Variants in MACROD2 observed in about 807,000 individuals in gnomAD.
MACROD2 encodes the protein mono-ADP ribosylhydrolase 2.
In MACROD2, 36 loss-of-function variants were observed where a neutral mutation model predicts 70.4. The observed-to-expected ratio is 0.51, with a 90% CI of 0.39 to 0.68. MACROD2 has a LOEUF of 0.68. Among genes scored for constraint, MACROD2 ranks in the 30% least tolerant of loss-of-function variants. The pLI is 0.00. For missense variants in MACROD2, 496 were observed against 538.4 expected, an observed-to-expected ratio of 0.92 and a Z score of 0.78; for synonymous variants, 172 against 178.8, an observed-to-expected ratio of 0.96 and a Z score of 0.30.
intron 3 of MACROD2, among the ~76,000 whole-genome samples, chr20:14,389,675 AT>A (rs2122798487): frequency 6.6e-6 from 1 of 152,300 alleles, no homozygotes; most frequent in East Asian, 1.9e-4. Flanking sequence ...GCATTTTTAC[AT>A]TTGCTTATAT....
At chr20:15,709,259 G>A (rs934311383) in intron 8 of MACROD2, among the ~76,000 whole-genome samples, 3 of 152,188 alleles carry the variant, frequency 2.0e-5, no homozygotes, top group African/African-American at 7.2e-5. Context: ...GGAGCAGGCT[G>A]GCTTTTCCAG....
At chr20:15,720,683 C>T (rs1009029291) in intron 8 of MACROD2, among the ~76,000 whole-genome samples, 1 of 152,168 alleles carries the variant, frequency 6.6e-6, no homozygotes, top group Non-Finnish European at 1.5e-5. Flanking sequence ...GTGAGAGGTA[C>T]ATCTGCATGA....
chr20:14,278,379 G>C (rs1358084755), intron 3 of MACROD2, among the ~76,000 whole-genome samples: 2 of 152,142 alleles, frequency 1.3e-5, no homozygotes, highest in Non-Finnish European at 2.9e-5. Context: ...GTGGTGAGAG[G>C]CAGGTTATCC....
chr20:15,624,102 C>A (rs1357711648), intron 8 of MACROD2, among the ~76,000 whole-genome samples: 1 of 152,082 alleles, frequency 6.6e-6, no homozygotes, highest in South Asian at 2.1e-4. Context: ...GCCAAAGGCT[C>A]GAGAGCCCCT....
rs1470070627 is a variant in MACROD2, at chr20:15,830,686, T to C, written c.646-32059T>C. On this transcript the variant is annotated intron_variant, in intron 8 of 17. Coordinates refer to ENST00000684519, the MANE Select transcript of MACROD2 (RefSeq NM_001351661.2). ...TCAGTCACTCTGAGACCAAAATACC[T>C]TGTCCTGTGTTGTTTGTTACTGGAT... Among the ~76,000 whole-genome samples the C allele has an allele frequency of 4.6e-5, 7 of 152,234 alleles. 1 individual carries two copies. Among genetic ancestry groups the C allele is most frequent in the African/African-American group, 1.7e-4 (7 of 41,474 alleles).
intron 5 of MACROD2, among the ~76,000 whole-genome samples, chr20:14,771,326 A>G (rs1013543822): frequency 8.6e-5 from 13 of 151,996 alleles, no homozygotes; most frequent in African/African-American, 3.1e-4. Flanking sequence ...CTTTGCTTCT[A>G]TGGAGAACCA....
At chr20:14,061,557 A>G (rs775604591) in intron 2 of MACROD2, among the ~76,000 whole-genome samples, 2 of 152,102 alleles carry the variant, frequency 1.3e-5, no homozygotes, top group Admixed American at 6.6e-5. Flanking sequence ...CCAGAGTTTC[A>G]GGAAGGTGTG....
chr20:14,384,095 C>T lies in MACROD2; in HGVS notation c.272-109384C>T, dbSNP rs139057476. 7.9e-5 allele frequency among the ~76,000 whole-genome samples: 12 copies of T among 152,200 alleles called. No individual in the cohort carries two copies. The East Asian group carries it at 2.3e-3, about 29-fold the overall frequency. On this transcript the variant is annotated intron_variant, in intron 3 of 17. Transcript: ENST00000684519. ...AACCTAGTCTCACATTAAGAGGATG[C>T]TTAAAATGCCAAAATGCCCTGGTAA...
At chr20:15,172,998 A>G (rs1487525432) in intron 5 of MACROD2, among the ~76,000 whole-genome samples, 1 of 152,160 alleles carries the variant, frequency 6.6e-6, no homozygotes, top group Non-Finnish European at 1.5e-5. Flanking sequence ...AGAAACTTAA[A>G]AGAATATTAA....
chr20:15,970,847 A>T (rs1194597924), intron 13 of MACROD2, among the ~76,000 whole-genome samples: 1 of 152,166 alleles, frequency 6.6e-6, no homozygotes, highest in Non-Finnish European at 1.5e-5. Flanking sequence ...AAGCCTCAAC[A>T]TTCATAAAGA....
chr20:14,264,921 AAAT>A (rs2122327594), intron 3 of MACROD2, among the ~76,000 whole-genome samples: 1 of 152,304 alleles, frequency 6.6e-6, no homozygotes, highest in Admixed American at 6.5e-5. Flanking sequence ...GTTGAGGGGC[AAAT>A]AATAACCAGA....
chr20:14,852,255 A>T (rs2073207275), intron 5 of MACROD2, among the ~76,000 whole-genome samples: 1 of 152,226 alleles, frequency 6.6e-6, no homozygotes, highest in Middle Eastern at 3.4e-3. Flanking sequence ...CAGTGCAGAA[A>T]ATCAAAGAGG....
At chr20:15,719,670 GAC>G (rs542728214) in intron 8 of MACROD2, among the ~76,000 whole-genome samples, 108 of 151,440 alleles carry the variant, frequency 7.1e-4, no homozygotes, top group African/African-American at 2.5e-3. Context: ...ATTTTTTATT[GAC>G]ACATAATAAT....
At chr20:14,187,326 G>C (rs188503010) in intron 3 of MACROD2, among the ~76,000 whole-genome samples, 1 of 152,112 alleles carries the variant, frequency 6.6e-6, no homozygotes, top group African/African-American at 2.4e-5. Flanking sequence ...CCACTGATAC[G>C]TGAGGATTTG....
chr20:15,909,118 G>A (rs1470933973), intron 10 of MACROD2, among the ~76,000 whole-genome samples: 1 of 152,188 alleles, frequency 6.6e-6, no homozygotes, highest in East Asian at 1.9e-4. Flanking sequence ...TTACTCACTT[G>A]TCTGAGCCCT....
At chr20:14,112,979 A>G (rs781316833) in intron 3 of MACROD2, among the ~76,000 whole-genome samples, 2 of 151,996 alleles carry the variant, frequency 1.3e-5, no homozygotes, top group Admixed American at 6.6e-5. Context: ...TATCTTTAAA[A>G]AGGATACTTG....
At chr20:15,693,713 AATTATT>A (rs1308051701) in intron 8 of MACROD2, among the ~76,000 whole-genome samples, 1 of 151,996 alleles carries the variant, frequency 6.6e-6, no homozygotes, top group Non-Finnish European at 1.5e-5. Context: ...CTTTTTTAAA[AATTATT>A]ATTATTATTT....
At chr20:14,434,682 T>C (rs1179896385) in intron 3 of MACROD2, among the ~76,000 whole-genome samples, 11 of 152,158 alleles carry the variant, frequency 7.2e-5, no homozygotes, top group Admixed American at 7.2e-4. Context: ...AAACATGCTA[T>C]TGTTTTTCCT....
chr20:14,913,836 T>C (rs1299533402), intron 5 of MACROD2, among the ~76,000 whole-genome samples: 5 of 152,160 alleles, frequency 3.3e-5, no homozygotes, highest in Non-Finnish European at 7.3e-5. Context: ...TGTAATCTTA[T>C]CATATTCACC....
Sources: allele counts gnomAD v4.1 joint callset (sites outside exome capture counted in the v4.1 genomes callset), GRCh38; gene constraint gnomAD v4.1.1; transcripts MANE v1.5; gene names NCBI Gene and HGNC (gene_info 2026-07-23, HGNC 2026-07-21).